The following HCRTR2 variants were observed in gnomAD, a reference collection of about 807,000 sequenced individuals.
HCRTR2 encodes the protein hypocretin receptor 2.
A neutral mutation model predicts 49.0 loss-of-function variants in HCRTR2; 22 were observed. That is an observed-to-expected ratio of 0.45 (90% CI 0.32 to 0.64). The LOEUF is 0.64. Ranked by LOEUF, HCRTR2 falls within the 30% of genes least tolerant of loss-of-function variation. The pLI is 0.04. For missense variants in HCRTR2, 491 were observed against 559.4 expected (o/e 0.88, Z 1.23); for synonymous variants, 236 against 205.3 (o/e 1.15, Z -1.28).
At chr6:55,269,007 G>A (rs918904407) in intron 4 of HCRTR2, among the ~76,000 whole-genome samples, 3 of 150,240 alleles carry the variant, frequency 2.0e-5, no homozygotes, top group Admixed American at 6.7e-5. Context: ...GGAGAATGGC[G>A]TGAACCCGGG....
intron 2 of HCRTR2, among the ~76,000 whole-genome samples, chr6:55,249,278 G>A (rs1321854828): frequency 1.3e-5 from 2 of 152,014 alleles, no homozygotes; most frequent in Non-Finnish European, 2.9e-5. Context: ...AAGTCATTGA[G>A]CATATTTGTT....
At chr6:55,236,615 A>G (rs937468736) in intron 1 of HCRTR2, among the ~76,000 whole-genome samples, 2 of 152,082 alleles carry the variant, frequency 1.3e-5, no homozygotes, top group African/African-American at 4.8e-5. Context: ...GGGAAAGACT[A>G]TTTATGTGAA....
chr6:55,118,980 C>T (rs1434938277), intron 1 of HCRTR2, among the ~76,000 whole-genome samples: 1 of 151,762 alleles, frequency 6.6e-6, no homozygotes, highest in East Asian at 1.9e-4. Context: ...ATGTTTCCCT[C>T]CCTGTGTTCA....
At chr6:55,263,116 G>A (rs973633617) in intron 3 of HCRTR2, among the ~76,000 whole-genome samples, 7 of 151,886 alleles carry the variant, frequency 4.6e-5, no homozygotes, top group African/African-American at 1.7e-4. Flanking sequence ...GAGGAATTTT[G>A]TATATGTTCC....
At chr6:55,169,721 A>C (rs1764922532), upstream of HCRTR2, among the ~76,000 whole-genome samples, 1 of 152,100 alleles carries the variant, frequency 6.6e-6, no homozygotes, top group Admixed American at 6.6e-5. Context: ...TTTTATTTTC[A>C]TTCCAACAGC....
chr6:55,148,244 GT>G (rs1764620367), intron 1 of HCRTR2, among the ~76,000 whole-genome samples: 1 of 152,058 alleles, frequency 6.6e-6, no homozygotes, highest in African/African-American at 2.4e-5. Context: ...GATCGTGTGT[GT>G]GTGCGTGTGT....
intron 1 of HCRTR2, among the ~76,000 whole-genome samples, chr6:55,120,592 A>T (rs1764183387): frequency 6.7e-6 from 1 of 150,226 alleles, no homozygotes; most frequent in African/African-American, 2.5e-5. Context: ...TGATTTTTCC[A>T]CATTGATTTT....
intron 1 of HCRTR2, among the ~76,000 whole-genome samples, chr6:55,133,421 A>G (rs1266602920): frequency 6.6e-6 from 1 of 151,734 alleles, no homozygotes; most frequent in East Asian, 1.9e-4. Flanking sequence ...AGGCATTTCT[A>G]AAATTCAGAA....
intron 1 of HCRTR2, among the ~76,000 whole-genome samples, chr6:55,247,535 C>T (rs1334950787): frequency 6.6e-6 from 1 of 152,162 alleles, no homozygotes; most frequent in Non-Finnish European, 1.5e-5. Context: ...GCATGGGTGA[C>T]AGCTCTGACA....
At chr6:55,227,010 A>G (rs1766021866) in intron 1 of HCRTR2, among the ~76,000 whole-genome samples, 1 of 152,202 alleles carries the variant, frequency 6.6e-6, no homozygotes, top group South Asian at 2.1e-4. Context: ...TAAAAGTTAT[A>G]GAATTTAAAT....
chr6:55,206,346 C>T (rs189740930), intron 1 of HCRTR2, among the ~76,000 whole-genome samples: 2 of 151,944 alleles, frequency 1.3e-5, no homozygotes, highest in African/African-American at 4.8e-5. Context: ...CAATTAAAAA[C>T]AAAAATATGA....
At chr6:55,275,433 C>G (rs1457861587) in intron 4 of HCRTR2, among the ~76,000 whole-genome samples, 2 of 151,996 alleles carry the variant, frequency 1.3e-5, no homozygotes, top group East Asian at 1.9e-4. Context: ...TACGGAGTTT[C>G]TCTGAATTCT....
intron 1 of HCRTR2, among the ~76,000 whole-genome samples, chr6:55,227,911 A>G (rs994780774): frequency 1.1e-4 from 16 of 152,272 alleles, no homozygotes; most frequent in South Asian, 4.1e-4. Flanking sequence ...AACAGTGATT[A>G]TTTTTCCTAA....
intron 1 of HCRTR2, among the ~76,000 whole-genome samples, chr6:55,132,003 G>A (rs1764364564): frequency 6.6e-6 from 1 of 151,736 alleles, no homozygotes. Context: ...CATACTCTCA[G>A]CAAGGTTTTT....
intron 1 of HCRTR2, among the ~76,000 whole-genome samples, chr6:55,229,086 T>C (rs949035897): frequency 2.0e-5 from 3 of 152,184 alleles, no homozygotes; most frequent in Non-Finnish European, 4.4e-5. Context: ...CTCACACTTG[T>C]TAGGATAACA....
chr6:55,163,857 A>G (rs2127263792), intron 1 of HCRTR2, among the ~76,000 whole-genome samples: 1 of 152,336 alleles, frequency 6.6e-6, no homozygotes, highest in Admixed American at 6.5e-5. Flanking sequence ...AAAATGGGAG[A>G]AAATTTTTGC....
At position 55,277,396 on chromosome 6, in the gene HCRTR2, C is replaced by T; in HGVS notation, c.779C>T (p.Ser260Phe). ...TCCTTTCAGATCCCTGGAACATCAT[C>T]TGTAGTTCAGAGAAAATGGAAGCCC... ...LWCRQIPGTS[S>F]VVQRKWKPLQ... The change falls in exon 5 of 7, where the codon TCT (serine) becomes TTT (phenylalanine). Residue 260 changes from serine to phenylalanine, a missense_variant. Ser to Phe is a radical substitution (Grantham distance 155, BLOSUM62 -2). Transcript: ENST00000370862. The T allele has an allele frequency of 6.2e-7, 1 of 1,613,528 alleles. No individual in the cohort carries two copies. The highest frequency in any genetic ancestry group is 8.5e-7 in the Non-Finnish European group (1 of 1,179,492).
chr6:55,234,296 G>T (rs1451214320), intron 1 of HCRTR2, among the ~76,000 whole-genome samples: 6 of 151,992 alleles, frequency 3.9e-5, no homozygotes, highest in Admixed American at 2.6e-4. Flanking sequence ...AATCTACTAT[G>T]TTTAGAATGG....
rs917427627 is a variant in HCRTR2, at chr6:55,241,861, AT to A, written c.224-6755del. ...GTAGTCTGTCTTACTATGGCAACTA[AT>A]TTTTTTTTTTTTTTTTTTTTTTGTG... On this transcript the variant is annotated intron_variant, in intron 1 of 6. Coordinates refer to ENST00000370862, the MANE Select transcript of HCRTR2 (RefSeq NM_001384272.1). Among the ~76,000 whole-genome samples, 585 of 92,518 alleles carry A rather than the reference AT, an allele frequency of 6.3e-3. 1 individual carries two copies. The highest frequency in any genetic ancestry group is 0.048 in the East Asian group (176 of 3,704). The allele number at this position is 92,518 out of a possible 152,430, so 60.7% of individuals were successfully genotyped here.
Sources: gnomAD v4.1 joint callset for allele counts (sites outside exome capture counted in the v4.1 genomes callset) on GRCh38, gnomAD v4.1.1 for gene constraint, MANE v1.5 for transcripts, NCBI Gene and HGNC (gene_info 2026-07-23, HGNC 2026-07-21) for gene names.